Variants in CASK observed in about 807,000 individuals in gnomAD.
CASK encodes the protein calcium/calmodulin dependent serine protein kinase.
A neutral mutation model predicts 82.9 loss-of-function variants in CASK; 4 were observed. The observed-to-expected ratio is 0.05, with a 90% CI of 0.02 to 0.11. The LOEUF is 0.11. Among genes scored for constraint, CASK ranks in the 10% least tolerant of loss-of-function variants. The pLI is 1.00. For synonymous variants in CASK, 259 were observed against 253.5 expected (o/e 1.02, Z -0.20); for missense variants, 358 against 720.9 (o/e 0.50, Z 5.76).
chrX:41,870,685 T>C lies in CASK; in HGVS notation c.60-17458A>G, dbSNP rs753182662. 3.6e-5 allele frequency among the ~76,000 whole-genome samples: 4 copies of C among 112,003 alleles called. No homozygotes were observed. In the South Asian group the frequency reaches 1.5e-3, roughly 42 times the overall value. On this transcript the variant is annotated intron_variant, in intron 1 of 26. Transcript: ENST00000378163. Reference sequence around the variant, plus strand: ...GTTAAAATGTCCTAAGATCCTTGCATTGGCTGAGATAAGGCTAATGAGACT... The same window carrying C: ...GTTAAAATGTCCTAAGATCCTTGCACTGGCTGAGATAAGGCTAATGAGACT...
chrX:41,667,147 T>C (rs1188862063), intron 6 of CASK, among the ~76,000 whole-genome samples: 1 of 111,846 alleles, frequency 8.9e-6, no homozygotes, highest in East Asian at 2.8e-4. Context: ...TCCATTTAGC[T>C]AGACGAAGAC....
chrX:41,814,043 A>T (rs2070362268), intron 2 of CASK, among the ~76,000 whole-genome samples: 1 of 112,308 alleles, frequency 8.9e-6, no homozygotes, highest in South Asian at 3.7e-4. Context: ...CCACAATGAG[A>T]TACCATCTCA....
intron 5 of CASK, among the ~76,000 whole-genome samples, chrX:41,711,903 T>C (rs960126908): frequency 8.9e-6 from 1 of 112,219 alleles, no homozygotes; most frequent in Admixed American, 9.4e-5. Flanking sequence ...ATAAAATTCT[T>C]CCCTACCCAT....
chrX:41,564,997 C>A (rs769920339), intron 16 of CASK, among the ~76,000 whole-genome samples: 1 of 111,647 alleles, frequency 9.0e-6, no homozygotes, highest in Non-Finnish European at 1.9e-5. Flanking sequence ...GGGTAAATAA[C>A]GAAATGAAGG....
intron 2 of CASK, among the ~76,000 whole-genome samples, chrX:41,846,732 T>G (rs1038411290): frequency 1.6e-4 from 18 of 111,552 alleles, no homozygotes; most frequent in African/African-American, 5.2e-4. Context: ...TATGTACCCA[T>G]AAACATTAAA....
At chrX:41,753,307 T>TAA (rs1347512081) in intron 3 of CASK, among the ~76,000 whole-genome samples, 18 of 103,883 alleles carry the variant, frequency 1.7e-4, no homozygotes, top group African/African-American at 6.3e-4. Flanking sequence ...TCAGTTCTGT[T>TAA]AAAAAAAAAA....
intron 21 of CASK, among the ~76,000 whole-genome samples, chrX:41,548,179 ATG>A (rs1256089177): frequency 3.6e-5 from 4 of 111,797 alleles, no homozygotes; most frequent in African/African-American, 1.3e-4. Flanking sequence ...TGATATGACT[ATG>A]TGGATTTTCT....
chrX:41,909,974 C>T (rs964914509), intron 1 of CASK, among the ~76,000 whole-genome samples: 1 of 111,452 alleles, frequency 9.0e-6, no homozygotes, highest in Non-Finnish European at 1.9e-5. Flanking sequence ...GTAATCCCAG[C>T]ACTTTGGGAG....
At chrX:41,535,448 G>T (rs1444272291) in intron 22 of CASK, among the ~76,000 whole-genome samples, 1 of 110,463 alleles carries the variant, frequency 9.1e-6, no homozygotes, top group Admixed American at 9.9e-5. Context: ...GATGAGAAAT[G>T]CATGGACAGC....
chrX:41,618,825 C>CT lies in CASK; in HGVS notation c.1033+3791dup, dbSNP rs1207067880. Among the ~76,000 whole-genome samples, 865 of 89,836 alleles carry CT rather than the reference C, an allele frequency of 9.6e-3. 8 individuals carry two copies. The highest frequency in any genetic ancestry group is 0.023 in the African/African-American group (572 of 24,707). 78.0% of individuals were successfully genotyped at this position (89,836 alleles called of 115,157 possible). On this transcript the variant is annotated intron_variant, in intron 11 of 26. Transcript: ENST00000378163. ...TTGGTAATGAGGTGATGTCCAATTT[C>CT]TTTTTTTTTTTTTTTTTTTGAGACA...
intron 2 of CASK, among the ~76,000 whole-genome samples, chrX:41,813,467 A>ATGT (rs1569457122): frequency 9.0e-6 from 1 of 111,372 alleles, no homozygotes; most frequent in Admixed American, 9.5e-5. Context: ...TCTTTGACAA[A>ATGT]CCTGACAAAA....
At chrX:41,913,998 G>A in intron 1 of CASK, among the ~76,000 whole-genome samples, 1 of 111,998 alleles carries the variant, frequency 8.9e-6, no homozygotes, top group Non-Finnish European at 1.9e-5. Context: ...CTATGAAATA[G>A]CAGTAGTATA....
intron 11 of CASK, among the ~76,000 whole-genome samples, chrX:41,619,883 CAT>C (rs951989708): frequency 8.9e-6 from 1 of 112,405 alleles, no homozygotes; most frequent in African/African-American, 3.2e-5. Context: ...TGCTTTATCA[CAT>C]GTCTACCCAT....
In CASK at chrX:41,890,892, C is replaced by CTT. The variant is rs35528568; in HGVS notation, c.59+32036_59+32037dup. ...GGTTGTGTAGGTGTTACTATAATTTCTTTTTTTTTTTTTTTGAGACAGTCT... is the reference window on the plus strand; with the variant it reads ...GGTTGTGTAGGTGTTACTATAATTTCTTTTTTTTTTTTTTTTTGAGACAGTCT... On this transcript the variant is annotated intron_variant, in intron 1 of 26. Coordinates refer to ENST00000378163, the MANE Select transcript of CASK (RefSeq NM_001367721.1). Among the ~76,000 whole-genome samples, 7 of 96,843 alleles carry CTT rather than the reference C, an allele frequency of 7.2e-5. No homozygotes were observed. In the East Asian group the frequency reaches 1.3e-3, roughly 18 times the overall value. The allele number at this position is 96,843 out of a possible 115,157, so 84.1% of individuals were successfully genotyped here. A position where few individuals can be genotyped will look rare whatever the true frequency, so the allele number is the denominator to read the frequency against.
At chrX:41,915,766 G>A (rs189555822) in intron 1 of CASK, among the ~76,000 whole-genome samples, 1 of 108,899 alleles carries the variant, frequency 9.2e-6, no homozygotes, top group African/African-American at 3.4e-5. Flanking sequence ...AAGGCGGGTG[G>A]ATCACGAGGT....
At chrX:41,841,130 G>A (rs1302354922) in intron 2 of CASK, among the ~76,000 whole-genome samples, 2 of 112,112 alleles carry the variant, frequency 1.8e-5, no homozygotes, top group African/African-American at 6.5e-5. Flanking sequence ...CTTTTCAACA[G>A]CGGTTACATC....
At chrX:41,898,980 A>ATTGAT (rs1601953907) in intron 1 of CASK, among the ~76,000 whole-genome samples, 3 of 111,783 alleles carry the variant, frequency 2.7e-5, no homozygotes. Flanking sequence ...CTATTTCCTT[A>ATTGAT]TTGATTTTCT....
intron 2 of CASK, among the ~76,000 whole-genome samples, chrX:41,836,425 C>A (rs1461899115): frequency 9.0e-6 from 1 of 111,067 alleles, no homozygotes; most frequent in Non-Finnish European, 1.9e-5. Context: ...TTAACAAATA[C>A]GTTTTTTAAA....
intron 1 of CASK, among the ~76,000 whole-genome samples, chrX:41,882,896 A>C (rs975777288): frequency 2.7e-5 from 3 of 112,034 alleles, no homozygotes; most frequent in African/African-American, 9.7e-5. Context: ...CCTTAGAAAA[A>C]ATCATTTCCC....
Sources: gnomAD v4.1 joint callset for allele counts (sites outside exome capture counted in the v4.1 genomes callset) on GRCh38, gnomAD v4.1.1 for gene constraint, MANE v1.5 for transcripts, NCBI Gene and HGNC (gene_info 2026-07-23, HGNC 2026-07-21) for gene names.